The following KIAA0319 variants were observed in gnomAD, a reference collection of about 807,000 sequenced individuals.
KIAA0319 encodes the protein dyslexia-associated protein KIAA0319.
Under a neutral mutation model 108.4 loss-of-function variants are expected in KIAA0319, and 83 were observed. The ratio of observed to expected loss-of-function variants is 0.77; its 90% CI spans 0.64 to 0.92. KIAA0319 has a LOEUF of 0.92. Ranked by LOEUF, KIAA0319 falls within the 40% of genes least tolerant of loss-of-function variation. KIAA0319 has a pLI of 0.00. For missense variants in KIAA0319, 1,195 were observed against 1,322.4 expected, an observed-to-expected ratio of 0.90 and a Z score of 1.49; for synonymous variants, 484 against 510.4, an observed-to-expected ratio of 0.95 and a Z score of 0.70.
In KIAA0319 at chr6:24,634,869, A is replaced by G. The variant is rs1005206481; in HGVS notation, c.-106+10867T>C. On this transcript the variant is annotated intron_variant, in intron 1 of 20. Transcript: ENST00000378214. ...TCCGAAGATGATTTTGAGAGCTTCA[A>G]TATTTAAAGGGGAAAACCTGGCTAG... Among the ~76,000 whole-genome samples, 7 of 152,318 alleles carry G rather than the reference A, an allele frequency of 4.6e-5. No individual in the cohort carries two copies. The East Asian group carries it at 1.3e-3, about 29-fold the overall frequency.
rs536853803 is a variant in KIAA0319 at position 24,579,845 on chromosome 6, T to G, written c.1372+13A>C. ...GAAAAAAAGAAATCCCTAAACTATC[T>G]CAGGATACACACGGCTGCCATCAAT... On this transcript the variant is annotated intron_variant, in intron 8 of 20. Coordinates refer to ENST00000378214, the MANE Select transcript of KIAA0319 (RefSeq NM_014809.4). 1 of 1,588,026 alleles carries G rather than the reference T, an allele frequency of 6.3e-7. No homozygotes were observed. Among genetic ancestry groups the G allele is most frequent in the South Asian group, 1.1e-5 (1 of 87,244 alleles).
At chr6:24,632,182 T>G (rs1775664992) in intron 1 of KIAA0319, among the ~76,000 whole-genome samples, 1 of 152,214 alleles carries the variant, frequency 6.6e-6, no homozygotes, top group African/African-American at 2.4e-5. Context: ...CTATTAATAA[T>G]CAGGAAATAA....
intron 6 of KIAA0319, among the ~76,000 whole-genome samples, chr6:24,581,497 A>G (rs1582052702): frequency 6.6e-6 from 1 of 152,278 alleles, no homozygotes; most frequent in African/African-American, 2.4e-5. Context: ...CGGTTTATAT[A>G]TCCTCCTAGG....
chr6:24,546,309 C>G lies in KIAA0319; in HGVS notation c.*856G>C, dbSNP rs1006079312. On this transcript the variant is annotated 3_prime_UTR_variant, in exon 21 of 21. Transcript: ENST00000378214. The stretch of plus-strand genomic sequence containing the variant: ...TATCTATGGCAGTCCAAACGCACAG[C>G]CTACAGAACATAATAAATGCTTAAT... The G allele has an allele frequency of 5.3e-5, 8 of 152,004 alleles. No homozygotes were observed. Among genetic ancestry groups the G allele is most frequent in the African/African-American group, 1.7e-4 (7 of 41,356 alleles). 9.4% of individuals were successfully genotyped at this position (152,004 alleles called of 1,614,324 possible). A position where few individuals can be genotyped will look rare whatever the true frequency, so the allele number is the denominator to read the frequency against.
chr6:24,543,611 T>G (rs961820725), downstream of KIAA0319, among the ~76,000 whole-genome samples: 6 of 152,104 alleles, frequency 3.9e-5, no homozygotes, highest in Non-Finnish European at 5.9e-5. Context: ...GTGTGTGTGT[T>G]TTTTGAGACA....
intron 10 of KIAA0319, among the ~76,000 whole-genome samples, chr6:24,575,485 C>G (rs1765344406): frequency 6.6e-6 from 1 of 152,106 alleles, no homozygotes; most frequent in Non-Finnish European, 1.5e-5. Context: ...TTGCTACAAC[C>G]CTTAGGTAGA....
rs71544276 is a variant in KIAA0319, at chr6:24,553,294, TACACACACACACACACACACACAC to T, written c.2948+1223_2948+1246del. The stretch of plus-strand genomic sequence containing the variant: ...AGATAGATATATATATATATATATA[TACACACACACACACACACACACAC>T]ACACACACACACACACACGCACATA... On this transcript the variant is annotated intron_variant, in intron 19 of 20. Coordinates refer to ENST00000378214, the MANE Select transcript of KIAA0319 (RefSeq NM_014809.4). Among the ~76,000 whole-genome samples the T allele has an allele frequency of 8.8e-5, 8 of 91,072 alleles. No homozygotes were observed. The East Asian group carries it at 2.3e-3, about 26-fold the overall frequency. The allele number at this position is 91,072 out of a possible 152,430, so 59.7% of individuals were successfully genotyped here. A position where few individuals can be genotyped will look rare whatever the true frequency, so the allele number is the denominator to read the frequency against.
At chr6:24,576,658 G>T in intron 9 of KIAA0319, 62 bp from the exon 10 acceptor site, 1 of 1,322,874 alleles carries the variant, frequency 7.6e-7, no homozygotes, top group Non-Finnish European at 1.1e-6. Context: ...AGTGACTCAC[G>T]CCTGTAATCC....
In KIAA0319 at chr6:24,546,114, G is replaced by C. The variant is rs368043459; in HGVS notation, c.*1051C>G. On this transcript the variant is annotated 3_prime_UTR_variant, in exon 21 of 21. Coordinates refer to ENST00000378214, the MANE Select transcript of KIAA0319 (RefSeq NM_014809.4). ...TTCATGTTTGAAATAAGATTTATTC[G>C]GTAGAAAAACTTAAATGTATTTTTA... The C allele has an allele frequency of 3.3e-5, 5 of 152,064 alleles. No individual in the cohort carries two copies. The highest frequency in any genetic ancestry group is 5.9e-5 in the Non-Finnish European group (4 of 68,016). The allele number at this position is 152,064 out of a possible 1,614,324, so 9.4% of individuals were successfully genotyped here.
chr6:24,599,805 C>G lies in KIAA0319; in HGVS notation c.55+1244G>C. On this transcript the variant is annotated intron_variant, in intron 2 of 20. Transcript: ENST00000378214. The surrounding 1 kb of genome is among the most constrained non-coding windows in gnomAD (Gnocchi z 4.1). ...GCCCAAGTGAATGGCCACAGCAGCC[C>G]CTCCCAGCCTACCCCCTCCTGTGAC... The G allele has an allele frequency of 2.1e-6, 1 of 468,544 alleles. No individual in the cohort carries two copies. Among genetic ancestry groups the G allele is most frequent in the Non-Finnish European group, 4.1e-6 (1 of 246,084 alleles). 29.0% of individuals were successfully genotyped at this position (468,544 alleles called of 1,614,324 possible).
At chr6:24,552,013 CTTTT>C (rs796799918) in intron 19 of KIAA0319, among the ~76,000 whole-genome samples, 1 of 146,030 alleles carries the variant, frequency 6.8e-6, no homozygotes, top group Non-Finnish European at 1.5e-5. Context: ...CCACCTTTTT[CTTTT>C]TTTTTTTTCC....
chr6:24,574,299 T>C (rs563773113), intron 10 of KIAA0319, among the ~76,000 whole-genome samples: 2 of 151,822 alleles, frequency 1.3e-5, no homozygotes, highest in Non-Finnish European at 2.9e-5. Flanking sequence ...TAGCCAGGTG[T>C]AGTGGTGTGT....
intron 1 of KIAA0319, among the ~76,000 whole-genome samples, chr6:24,604,839 T>A (rs1028604422): frequency 6.6e-6 from 1 of 152,176 alleles, no homozygotes; most frequent in South Asian, 2.1e-4. Context: ...CTTTTGTTTT[T>A]GTTTTCGTTT....
Position 24,576,600 on chromosome 6 carries a change from CA to C in KIAA0319, c.1506-5del. The C allele has an allele frequency of 1.2e-6, 2 of 1,611,304 alleles. No homozygotes were observed. The highest frequency in any genetic ancestry group is 8.5e-7 in the Non-Finnish European group (1 of 1,177,656). On this transcript the variant is annotated splice_polypyrimidine_tract_variant and splice_region_variant and intron_variant, in intron 9 of 20. Coordinates refer to ENST00000378214, the MANE Select transcript of KIAA0319 (RefSeq NM_014809.4). ...GTCCGAGTCTGTAACAGTCAACCTA[CA>C]AAAAGGAGAAGAAGCCGTAGTTGGA...
intron 16 of KIAA0319, among the ~76,000 whole-genome samples, chr6:24,563,014 G>C (rs1451162538): frequency 6.6e-6 from 1 of 152,086 alleles, no homozygotes; most frequent in Non-Finnish European, 1.5e-5. Flanking sequence ...CATGAACGTG[G>C]GGCAGGGATG....
At chr6:24,598,099 G>C in intron 2 of KIAA0319, 1 of 440,802 alleles carries the variant, frequency 2.3e-6, no homozygotes, top group Non-Finnish European at 4.3e-6. Context: ...AAGCTGGCCT[G>C]GTGCCAGCAT....
rs560111898 is a variant in KIAA0319, at chr6:24,561,709, AT to A, written c.2591+1649del. On this transcript the variant is annotated intron_variant, in intron 16 of 20. Coordinates refer to ENST00000378214, the MANE Select transcript of KIAA0319 (RefSeq NM_014809.4). The stretch of plus-strand genomic sequence containing the variant: ...GGGCGTGTGCCACCATGCCTGGCTA[AT>A]TTTTTTTTTTTTTAAGATGGAGTCT... 3.3e-3 allele frequency among the ~76,000 whole-genome samples: 470 copies of A among 143,962 alleles called. 2 individuals are homozygous for A. The highest frequency in any genetic ancestry group is 0.022 in the East Asian group (109 of 4,950). 94.4% of individuals were successfully genotyped at this position (143,962 alleles called of 152,430 possible). A position where few individuals can be genotyped will look rare whatever the true frequency, so the allele number is the denominator to read the frequency against.
At chr6:24,548,017 A>C (rs375472976) in intron 20 of KIAA0319, among the ~76,000 whole-genome samples, 2 of 152,138 alleles carry the variant, frequency 1.3e-5, no homozygotes, top group East Asian at 3.9e-4. Context: ...CAGGTGACAG[A>C]GCAAGACCCT....
intron 1 of KIAA0319, 94 bp from the exon 2 acceptor site, chr6:24,601,302 G>A (rs762620638): frequency 7.6e-5 from 106 of 1,394,714 alleles, no homozygotes; most frequent in Non-Finnish European, 8.2e-5. Flanking sequence ...ATGTCAGTGG[G>A]AAGCCTGTCC....
Sources: allele counts gnomAD v4.1 joint callset (sites outside exome capture counted in the v4.1 genomes callset), GRCh38; gene constraint gnomAD v4.1.1; non-coding constraint Gnocchi (gnomAD v3.1); transcripts MANE v1.5; gene names NCBI Gene and HGNC (gene_info 2026-07-23, HGNC 2026-07-21).